Variants in GUCY2F observed in about 807,000 individuals in gnomAD.
GUCY2F encodes the protein retinal guanylyl cyclase 2.
In GUCY2F, 61 loss-of-function variants were observed where a neutral mutation model predicts 73.1. The observed-to-expected ratio is 0.83, with a 90% CI of 0.68 to 1.03. The LOEUF is 1.03. GUCY2F is among the 50% of genes least tolerant of loss of function. The probability of loss-of-function intolerance (pLI) is 0.00; values close to 1 mark genes in which losing one functional copy is unlikely to be tolerated. For synonymous variants in GUCY2F, 331 were observed against 307.8 expected, an observed-to-expected ratio of 1.08 and a Z score of -0.79; for missense variants, 912 against 854.3, an observed-to-expected ratio of 1.07 and a Z score of -0.84.
intron 8 of GUCY2F, among the ~76,000 whole-genome samples, chrX:109,427,289 T>G (rs983383711): frequency 8.9e-6 from 1 of 112,378 alleles, no homozygotes; most frequent in African/African-American, 3.2e-5. Context: ...CTCTAACAAC[T>G]GAGAATTTCC....
chrX:109,398,513 T>C lies in GUCY2F; in HGVS notation c.2275+36A>G, dbSNP rs372795464. On this transcript the variant is annotated intron_variant, in intron 11 of 19. Transcript: ENST00000218006. ...GTTGGTCTGATGATCTCGGTCATGG[T>C]GGACCCCTGGGGCCCTTTTCTCACC... 220 of 1,169,029 alleles carry C rather than the reference T, an allele frequency of 1.9e-4. 1 individual carries two copies. In the African/African-American group the frequency reaches 3.6e-3, roughly 19 times the overall value.
intron 14 of GUCY2F, among the ~76,000 whole-genome samples, chrX:109,389,035 C>A (rs1930503282): frequency 1.8e-5 from 2 of 111,863 alleles, no homozygotes; most frequent in Non-Finnish European, 3.8e-5. Context: ...TGCTTCCCAG[C>A]AAATGTTTCT....
At chrX:109,417,971 ATTTGATGTGCTGGATCATAAGAAGAATAT>A (rs1931284411) in intron 8 of GUCY2F, among the ~76,000 whole-genome samples, 1 of 99,380 alleles carries the variant, frequency 1.0e-5, no homozygotes, top group African/African-American at 5.0e-5. Context: ...TAAGAAGAAT[ATTTGATGTGCTGGATCATAAGAAGAATAT>A]TTTGCATATT....
intron 10 of GUCY2F, among the ~76,000 whole-genome samples, chrX:109,400,964 C>T (rs760121811): frequency 1.2e-4 from 13 of 111,715 alleles, no homozygotes; most frequent in African/African-American, 3.3e-4. Flanking sequence ...ATCCTTTCTC[C>T]CTGCACATTT....
chrX:109,374,917 A>G (rs2147247550), intron 19 of GUCY2F, among the ~76,000 whole-genome samples: 1 of 112,152 alleles, frequency 8.9e-6, no homozygotes, highest in Non-Finnish European at 1.9e-5. Context: ...GGGTTTCCTT[A>G]GGACAGAAAC....
At chrX:109,445,588 T>C (rs1025844420) in intron 6 of GUCY2F, among the ~76,000 whole-genome samples, 1 of 111,971 alleles carries the variant, frequency 8.9e-6, no homozygotes, top group African/African-American at 3.2e-5. Flanking sequence ...GGATAAGCTT[T>C]TTGATGTGCT....
intron 7 of GUCY2F, among the ~76,000 whole-genome samples, chrX:109,431,716 G>C (rs1182793063): frequency 1.0e-5 from 1 of 95,809 alleles, no homozygotes; most frequent in Non-Finnish European, 2.1e-5. Context: ...AAAAAAAAAA[G>C]AGTGTAACCA....
intron 4 of GUCY2F, among the ~76,000 whole-genome samples, 200 bp downstream of exon 4, chrX:109,453,305 G>T (rs754568195): frequency 9.0e-6 from 1 of 111,460 alleles, no homozygotes; most frequent in African/African-American, 3.3e-5. Context: ...ATTGTGGATG[G>T]TTATTCAAGG....
At chrX:109,476,769 G>A (rs937810631) in intron 1 of GUCY2F, among the ~76,000 whole-genome samples, 3 of 103,733 alleles carry the variant, frequency 2.9e-5, no homozygotes, top group African/African-American at 1.2e-4. Flanking sequence ...TAGATAGATA[G>A]ATAGACAGAC....
At chrX:109,385,688 G>C (rs1323042131) in intron 15 of GUCY2F, among the ~76,000 whole-genome samples, 1 of 111,872 alleles carries the variant, frequency 8.9e-6, no homozygotes, top group Non-Finnish European at 1.9e-5. Flanking sequence ...GGGTTTATCT[G>C]GTTCCCAAAC....
At chrX:109,382,078 A>C (rs1165772855) in intron 17 of GUCY2F, 40 bp downstream of exon 17, 5 of 741,306 alleles carry the variant, frequency 6.7e-6, no homozygotes, top group Non-Finnish European at 8.5e-6. Flanking sequence ...AAGCAGGTGT[A>C]TCCAAGTAGT....
chrX:109,439,608 C>A (rs1460542578), intron 7 of GUCY2F, among the ~76,000 whole-genome samples: 1 of 111,117 alleles, frequency 9.0e-6, no homozygotes, highest in Admixed American at 9.6e-5. Flanking sequence ...AGCAGTTAAG[C>A]TATTCAGCAC....
intron 10 of GUCY2F, among the ~76,000 whole-genome samples, chrX:109,401,162 C>A (rs954888225): frequency 1.8e-5 from 2 of 112,106 alleles, no homozygotes; most frequent in Admixed American, 1.9e-4. Flanking sequence ...CAATCCGCCC[C>A]CATTTCCTCA....
At chrX:109,474,865 T>A (rs1490523985) in intron 2 of GUCY2F, among the ~76,000 whole-genome samples, 3 of 111,736 alleles carry the variant, frequency 2.7e-5, no homozygotes, top group Middle Eastern at 9.1e-3. Context: ...CGCCTCCCCA[T>A]ACCATTTTGG....
At chrX:109,454,450 C>G (rs1219328641) in intron 3 of GUCY2F, among the ~76,000 whole-genome samples, 1 of 111,606 alleles carries the variant, frequency 9.0e-6, no homozygotes, top group Non-Finnish European at 1.9e-5. Flanking sequence ...CGCAGACATC[C>G]ACCCTGACAC....
In GUCY2F at chrX:109,409,128, C is replaced by A. The variant is rs762324165; in HGVS notation, c.1832G>T (p.Gly611Val). 8.8e-7 allele frequency: 1 copy of A among 1,132,208 alleles called. No individual in the cohort carries two copies. The highest frequency in any genetic ancestry group is 1.8e-5 in the South Asian group (1 of 54,973). The allele number at this position is 1,132,208 out of a possible 1,213,427, so 93.3% of individuals were successfully genotyped here. The change falls in exon 9 of 20, where the codon GGT becomes GTT. Residue 611 changes from glycine to valine, a missense_variant. Gly to Val is a moderately radical substitution (Grantham distance 109). Coordinates refer to ENST00000218006, the MANE Select transcript of GUCY2F (RefSeq NM_001522.3). ...AAACATCCCCGAATCATAGAAGAAA[C>A]CCAATAAAGGGTTAATATTCTCATG... ...LRHENINPLL[G>V]FFYDSGMFAI...
rs1186534665 is a variant in GUCY2F, at chrX:109,400,037, A to G, written c.2126-1339T>C. Among the ~76,000 whole-genome samples the G allele has an allele frequency of 4.5e-5, 5 of 110,420 alleles. No individual in the cohort carries two copies. In the East Asian group the frequency reaches 1.4e-3, roughly 32 times the overall value. On this transcript the variant is annotated intron_variant, in intron 10 of 19. Transcript: ENST00000218006. ...CTGAGAGCCAAATGAAGGCATTTGG[A>G]GTGAATACAAAAGGCAGTAGGGGTG...
intron 3 of GUCY2F, among the ~76,000 whole-genome samples, chrX:109,454,638 AATGTTTTTGTATACT>A (rs1932218748): frequency 8.9e-6 from 1 of 112,125 alleles, no homozygotes; most frequent in Non-Finnish European, 1.9e-5. Context: ...TAAAAGCAAC[AATGTTTTTGTATACT>A]ATGCCCAGAT....
intron 6 of GUCY2F, among the ~76,000 whole-genome samples, chrX:109,443,072 G>A (rs1271494037): frequency 9.0e-6 from 1 of 111,593 alleles, no homozygotes; most frequent in Non-Finnish European, 1.9e-5. Context: ...CATTCCGTTT[G>A]GATGGAATTC....
Sources: allele counts gnomAD v4.1 joint callset (sites outside exome capture counted in the v4.1 genomes callset), GRCh38; gene constraint gnomAD v4.1.1; transcripts MANE v1.5; gene names NCBI Gene and HGNC (gene_info 2026-07-23, HGNC 2026-07-21).